The following EHMT1 variants were observed in gnomAD, a reference collection of about 807,000 sequenced individuals.
The protein encoded by EHMT1 is histone-lysine N-methyltransferase EHMT1.
In EHMT1, 15 loss-of-function variants were observed where a neutral mutation model predicts 147.2. That is an observed-to-expected ratio of 0.10 (90% CI 0.07 to 0.16). The LOEUF (loss-of-function observed/expected upper bound fraction) is 0.16. Among genes scored for constraint, EHMT1 ranks in the 10% least tolerant of loss-of-function variants. The pLI, the probability that EHMT1 is intolerant of heterozygous loss-of-function variation, is 1.00. For synonymous variants in EHMT1, 795 were observed against 709.6 expected, an observed-to-expected ratio of 1.12 and a Z score of -1.91; for missense variants, 1,587 against 1,772.4, an observed-to-expected ratio of 0.90 and a Z score of 1.88.
intron 1 of EHMT1, among the ~76,000 whole-genome samples, chr9:137,699,831 A>G (rs950840437): frequency 1.3e-5 from 2 of 152,238 alleles, no homozygotes; most frequent in Admixed American, 1.3e-4. Context: ...CCTGGGTGAC[A>G]GAACAAGACC....
intron 1 of EHMT1, among the ~76,000 whole-genome samples, chr9:137,631,414 A>G (rs1843624604): frequency 6.6e-6 from 1 of 152,072 alleles, no homozygotes; most frequent in African/African-American, 2.4e-5. Flanking sequence ...AAAAATAAAA[A>G]TAAAATAAAA....
At chr9:137,670,636 C>T (rs529397801) in intron 1 of EHMT1, among the ~76,000 whole-genome samples, 1 of 152,330 alleles carries the variant, frequency 6.6e-6, no homozygotes, top group South Asian at 2.1e-4. Context: ...CCCTGGCCAC[C>T]TGTCCTTCTG....
chr9:137,706,099 G>T (rs1944249726), intron 1 of EHMT1, among the ~76,000 whole-genome samples: 1 of 152,126 alleles, frequency 6.6e-6, no homozygotes, highest in Non-Finnish European at 1.5e-5. Context: ...GCGGGGCTAG[G>T]CTCTGCCAGT....
chr9:137,662,399 T>C (rs1423422187), intron 1 of EHMT1, among the ~76,000 whole-genome samples: 2 of 152,146 alleles, frequency 1.3e-5, no homozygotes, highest in Non-Finnish European at 2.9e-5. Flanking sequence ...AGTCTCTCCA[T>C]GTTGCCCAGG....
chr9:137,644,727 G>T (rs1223724146), intron 1 of EHMT1, among the ~76,000 whole-genome samples: 1 of 152,142 alleles, frequency 6.6e-6, no homozygotes, highest in African/African-American at 2.4e-5. Flanking sequence ...GTAGTTTGCT[G>T]GCCCCTGATT....
chr9:137,708,088 C>G (rs974090315), intron 1 of EHMT1, among the ~76,000 whole-genome samples: 1 of 152,138 alleles, frequency 6.6e-6, no homozygotes, highest in Admixed American at 6.5e-5. Context: ...AAACATGTAA[C>G]ATTTTATTTA....
intron 1 of EHMT1, among the ~76,000 whole-genome samples, chr9:137,694,718 C>A (rs1332152986): frequency 6.6e-6 from 1 of 152,200 alleles, no homozygotes; most frequent in Non-Finnish European, 1.5e-5. Flanking sequence ...GCGCCTAGCA[C>A]ACAGGCAGGA....
At chr9:137,821,612 G>C (rs1161772667) in intron 25 of EHMT1, among the ~76,000 whole-genome samples, 2 of 152,180 alleles carry the variant, frequency 1.3e-5, no homozygotes, top group Admixed American at 6.5e-5. Context: ...GATTGCAGGA[G>C]TGAGCCACTG....
chr9:137,834,507 G>A lies in EHMT1; in HGVS notation c.3699G>A (p.Glu1233=), dbSNP rs762631537. The change falls in exon 26 of 27, where the codon GAG becomes GAA. Residue 1233 remains glutamate (E), a synonymous_variant. Coordinates refer to ENST00000460843, the MANE Select transcript of EHMT1 (RefSeq NM_024757.5). Reference sequence around the variant, plus strand: ...CCTTCTTCAGCACCCGCCTGATCGAGGCCGGCGAGCAGCTCGGGTACGCAC... The same window carrying A: ...CCTTCTTCAGCACCCGCCTGATCGAAGCCGGCGAGCAGCTCGGGTACGCAC... ...RIAFFSTRLI[E]AGEQLGFDYG... The A allele has an allele frequency of 1.2e-6, 2 of 1,611,504 alleles. No individual in the cohort carries two copies. The highest frequency in any genetic ancestry group is 1.1e-5 in the South Asian group (1 of 91,066).
At chr9:137,790,723 G>T in intron 15 of EHMT1, 125 bp from the exon 16 acceptor site, 1 of 1,352,602 alleles carries the variant, frequency 7.4e-7, no homozygotes, top group East Asian at 2.3e-5. Flanking sequence ...AGAAAACTCA[G>T]ACATTGTTGG....
intron 16 of EHMT1, among the ~76,000 whole-genome samples, 160 bp downstream of exon 16, chr9:137,791,130 TTTA>T (rs1322834944): frequency 6.6e-6 from 1 of 152,170 alleles, no homozygotes; most frequent in Non-Finnish European, 1.5e-5. Context: ...GGTTACCTGG[TTTA>T]TTATTAAAAA....
chr9:137,758,350 C>G (rs576426107), intron 9 of EHMT1, among the ~76,000 whole-genome samples: 1 of 152,206 alleles, frequency 6.6e-6, no homozygotes, highest in Non-Finnish European at 1.5e-5. Flanking sequence ...CACACGGGGA[C>G]GTACTGTTGA....
intron 7 of EHMT1, 142 bp from the exon 8 acceptor site, chr9:137,754,029 T>A (rs1232382270): frequency 7.1e-7 from 1 of 1,406,968 alleles, no homozygotes; most frequent in African/African-American, 1.4e-5. Flanking sequence ...CCCAGCAAAA[T>A]GTCTACAAGT....
At chr9:137,629,216 C>A (rs1456842997) in intron 1 of EHMT1, among the ~76,000 whole-genome samples, 2 of 151,630 alleles carry the variant, frequency 1.3e-5, no homozygotes, top group Non-Finnish European at 2.9e-5. Context: ...CCTCAGCCTC[C>A]CGAGTAGCTG....
intron 1 of EHMT1, among the ~76,000 whole-genome samples, chr9:137,702,313 C>T (rs1943906821): frequency 6.6e-6 from 1 of 152,222 alleles, no homozygotes; most frequent in Non-Finnish European, 1.5e-5. Context: ...TAAGTCCCTT[C>T]TGCCTATCAG....
chr9:137,728,642 A>T, intron 4 of EHMT1, 113 bp downstream of exon 4: 1 of 1,446,460 alleles, frequency 6.9e-7, no homozygotes, highest in Non-Finnish European at 9.6e-7. Context: ...TTGATGAATG[A>T]CTGTTGACGT....
Position 137,647,924 on chromosome 9 carries a change from C to T in EHMT1, c.21+28875C>T, listed in dbSNP as rs1270303307. On this transcript the variant is annotated intron_variant, in intron 1 of 26. Transcript: ENST00000460843. The stretch of plus-strand genomic sequence containing the variant: ...ATCTGTGGACACTTGCTCTCGCTCT[C>T]TCCTGCTTTCTTTTTCTTCAGAGCA... Among the ~76,000 whole-genome samples the T allele has an allele frequency of 2.6e-5, 4 of 152,112 alleles. No homozygotes were observed. In the East Asian group the frequency reaches 5.8e-4, roughly 22 times the overall value.
chr9:137,702,119 AG>A (rs1282581006), intron 1 of EHMT1, among the ~76,000 whole-genome samples: 1 of 152,016 alleles, frequency 6.6e-6, no homozygotes, highest in Non-Finnish European at 1.5e-5. Context: ...TAATAGAGAC[AG>A]GGTTTCACCA....
chr9:137,791,160 ACT>A (rs1588729353), intron 16 of EHMT1, among the ~76,000 whole-genome samples, 190 bp downstream of exon 16: 1 of 151,848 alleles, frequency 6.6e-6, no homozygotes, highest in Non-Finnish European at 1.5e-5. Flanking sequence ...GTGAGTGCTC[ACT>A]CTCTACAGAG....
Sources: allele counts gnomAD v4.1 joint callset (sites outside exome capture counted in the v4.1 genomes callset), GRCh38; gene constraint gnomAD v4.1.1; transcripts MANE v1.5; gene names NCBI Gene and HGNC (gene_info 2026-07-23, HGNC 2026-07-21).